Variants in HS6ST2 observed in about 807,000 individuals in gnomAD.
HS6ST2 encodes the protein heparan sulfate 6-O-sulfotransferase 2.
Under a neutral mutation model 33.0 loss-of-function variants are expected in HS6ST2, and 17 were observed. That is an observed-to-expected ratio of 0.52 (90% CI 0.35 to 0.77). The LOEUF (loss-of-function observed/expected upper bound fraction) is 0.77. HS6ST2 is among the 30% of genes least tolerant of loss of function. The pLI, the probability that HS6ST2 is intolerant of heterozygous loss-of-function variation, is 0.01. For synonymous variants in HS6ST2, 248 were observed against 237.1 expected (o/e 1.05, Z -0.42); for missense variants, 519 against 551.7 (o/e 0.94, Z 0.59).
intron 3 of HS6ST2, among the ~76,000 whole-genome samples, chrX:132,704,302 C>T (rs975423490): frequency 8.9e-6 from 1 of 112,398 alleles, no homozygotes; most frequent in Admixed American, 9.4e-5. Context: ...CGCCGGTAAT[C>T]CCAGTACTTT....
chrX:132,781,511 G>A (rs2065016406), intron 2 of HS6ST2, among the ~76,000 whole-genome samples: 1 of 111,643 alleles, frequency 9.0e-6, no homozygotes, highest in Non-Finnish European at 1.9e-5. Flanking sequence ...AGAATGGTGA[G>A]AGTAGTGAGA....
At chrX:132,735,572 G>A (rs2064500326) in intron 2 of HS6ST2, among the ~76,000 whole-genome samples, 1 of 111,918 alleles carries the variant, frequency 8.9e-6, no homozygotes, top group Non-Finnish European at 1.9e-5. Context: ...TGAAATAAAG[G>A]TGTGTGAGGA....
At position 132,628,325 on chromosome X, in the gene HS6ST2, C is replaced by T; in HGVS notation, c.1836G>A (p.Lys612=). 1 of 1,168,711 alleles carries T rather than the reference C, an allele frequency of 8.6e-7. No individual in the cohort carries two copies. The highest frequency in any genetic ancestry group is 1.1e-6 in the Non-Finnish European group (1 of 873,295). ...MQNLTQSLSQ[K]ENRESPKQNS... The stretch of plus-strand genomic sequence containing the variant: ...TCTGCTTCGGGCTTTCCCGGTTCTC[C>T]TTCTGGCTCAAACTCTGAGTCAGAT... Residue 612 remains lysine, a synonymous_variant, in exon 5 of 5, where the codon AAG becomes AAA. Coordinates refer to ENST00000370833, the MANE Select transcript of HS6ST2 (RefSeq NM_001394073.1).
intron 2 of HS6ST2, among the ~76,000 whole-genome samples, chrX:132,823,701 C>CAAAAA (rs34640492): frequency 1.6e-5 from 1 of 61,310 alleles, no homozygotes; most frequent in Non-Finnish European, 3.1e-5. Context: ...ACTAAAAATA[C>CAAAAA]AAAAAAAAAA....
chrX:132,770,948 A>C (rs1214064459), intron 2 of HS6ST2, among the ~76,000 whole-genome samples: 1 of 112,040 alleles, frequency 8.9e-6, no homozygotes, highest in Admixed American at 9.6e-5. Context: ...ATTCTAGTAG[A>C]TGCTGAAAGT....
At chrX:132,823,853 A>AAAAAAAAATAATAAT (rs774177926) in intron 2 of HS6ST2, among the ~76,000 whole-genome samples, 1 of 92,542 alleles carries the variant, frequency 1.1e-5, no homozygotes, top group Non-Finnish European at 2.1e-5. Flanking sequence ...ACTTCATAAA[A>AAAAAAAAATAATAAT]AATAATAATA....
chrX:132,647,416 G>A (rs952557538), intron 4 of HS6ST2, among the ~76,000 whole-genome samples: 1 of 111,617 alleles, frequency 9.0e-6, no homozygotes, highest in Non-Finnish European at 1.9e-5. Context: ...CAGATCAGCT[G>A]AAATAAGGCC....
At chrX:132,919,828 G>C (rs188994149) in intron 2 of HS6ST2, among the ~76,000 whole-genome samples, 1 of 111,764 alleles carries the variant, frequency 8.9e-6, no homozygotes, top group Non-Finnish European at 1.9e-5. Context: ...TCACTGAAAC[G>C]ATTTAAAGCT....
intron 2 of HS6ST2, among the ~76,000 whole-genome samples, chrX:132,769,558 C>G (rs747845577): frequency 8.9e-6 from 1 of 112,147 alleles, no homozygotes; most frequent in Non-Finnish European, 1.9e-5. Flanking sequence ...TTGCCAGACA[C>G]TTAGAGCCCT....
intron 2 of HS6ST2, among the ~76,000 whole-genome samples, chrX:132,939,280 T>C (rs193297548): frequency 4.5e-5 from 5 of 110,909 alleles, no homozygotes; most frequent in Non-Finnish European, 9.4e-5. Flanking sequence ...TGAAAAACTA[T>C]TAGAACTTAA....
upstream of HS6ST2, chrX:132,958,953 A>G: frequency 4.9e-6 from 1 of 205,310 alleles, no homozygotes; most frequent in Non-Finnish European, 8.9e-6. Context: ...TAGAGCACAG[A>G]CTGTCTTCTT....
chrX:132,941,021 A>G (rs1462886263), intron 2 of HS6ST2, among the ~76,000 whole-genome samples: 1 of 111,996 alleles, frequency 8.9e-6, no homozygotes, highest in East Asian at 2.8e-4. Flanking sequence ...TCTTCCTACA[A>G]TGAATAATGG....
intron 2 of HS6ST2, among the ~76,000 whole-genome samples, chrX:132,794,644 C>T (rs999321653): frequency 2.7e-5 from 3 of 109,514 alleles, no homozygotes; most frequent in South Asian, 4.0e-4. Flanking sequence ...AGGCTGGTCT[C>T]GAACTCCTGG....
chrX:132,860,194 T>G (rs1030232009), intron 2 of HS6ST2, among the ~76,000 whole-genome samples: 1 of 112,403 alleles, frequency 8.9e-6, no homozygotes, highest in African/African-American at 3.2e-5. Flanking sequence ...GCTTGAATGA[T>G]GCTGTCCCTA....
At chrX:132,841,618 T>C (rs773223887) in intron 2 of HS6ST2, among the ~76,000 whole-genome samples, 2 of 111,760 alleles carry the variant, frequency 1.8e-5, no homozygotes, top group East Asian at 5.7e-4. Context: ...TGAGCTACCA[T>C]ATAAAATGGG....
rs1396867057 is a variant in HS6ST2 at position 132,808,688 on chromosome X, A to T, written c.948-100194T>A. ...GGTTCCCAAGGAAAAAGTCAACAAA[A>T]ATGGCAAACAAAGAAATTAGAGCGA... On this transcript the variant is annotated intron_variant, in intron 2 of 4. Transcript: ENST00000370833. 2.7e-5 allele frequency: 3 copies of T among 112,055 alleles called. No homozygotes were observed. The Admixed American group carries it at 2.8e-4, about 11-fold the overall frequency. The allele number at this position is 112,055 out of a possible 1,213,427, so 9.2% of individuals were successfully genotyped here.
chrX:132,876,796 A>G (rs761645642), intron 2 of HS6ST2, among the ~76,000 whole-genome samples: 3 of 110,751 alleles, frequency 2.7e-5, no homozygotes, highest in Non-Finnish European at 5.7e-5. Flanking sequence ...GAAAAATCAC[A>G]CTCCTTTGCT....
chrX:132,781,634 T>C (rs975185526), intron 2 of HS6ST2, among the ~76,000 whole-genome samples: 1 of 111,322 alleles, frequency 9.0e-6, no homozygotes, highest in Non-Finnish European at 1.9e-5. Flanking sequence ...GACTCACAGT[T>C]CCACATGGCT....
intron 2 of HS6ST2, among the ~76,000 whole-genome samples, chrX:132,910,320 A>C (rs1292012934): frequency 1.8e-5 from 2 of 111,519 alleles, no homozygotes; most frequent in Non-Finnish European, 3.8e-5. Flanking sequence ...TCCCAGAACC[A>C]ATTCTTGTTC....
Sources: gnomAD v4.1 joint callset for allele counts (sites outside exome capture counted in the v4.1 genomes callset) on GRCh38, gnomAD v4.1.1 for gene constraint, MANE v1.5 for transcripts, NCBI Gene and HGNC (gene_info 2026-07-23, HGNC 2026-07-21) for gene names.